The following PTPRB variants were observed in gnomAD, a reference collection of about 807,000 sequenced individuals.
PTPRB encodes protein tyrosine phosphatase receptor type B.
Under a neutral mutation model 238.1 loss-of-function variants are expected in PTPRB, and 97 were observed. The ratio of observed to expected loss-of-function variants is 0.41; its 90% CI spans 0.35 to 0.48. The LOEUF (loss-of-function observed/expected upper bound fraction) is 0.48. Among genes scored for constraint, PTPRB ranks in the 20% least tolerant of loss-of-function variants. The probability of loss-of-function intolerance (pLI) is 0.30; values close to 1 mark genes in which losing one functional copy is unlikely to be tolerated. For synonymous variants in PTPRB, 970 were observed against 995.4 expected, an observed-to-expected ratio of 0.97 and a Z score of 0.48; for missense variants, 2,292 against 2,681.9, an observed-to-expected ratio of 0.85 and a Z score of 3.21.
chr12:70,524,469 A>T lies in PTPRB; in HGVS notation c.6625+2T>A. 2 of 1,602,440 alleles carry T rather than the reference A, an allele frequency of 1.2e-6. No homozygotes were observed. The highest frequency in any genetic ancestry group is 1.7e-6 in the Non-Finnish European group (2 of 1,174,218). On this transcript the variant is annotated splice_donor_variant, in intron 33 of 33. Coordinates refer to ENST00000334414, the MANE Select transcript of PTPRB (RefSeq NM_001109754.4). LOFTEE classifies it high-confidence loss of function. ...GGGGAAGTAAGTGAAGTAAGTGCCC[A>T]CCTCTGTGATACTCTGGATTCACAT... is the stretch of plus-strand genomic sequence containing the variant.
At chr12:70,567,755 A>C (rs563631205) in intron 14 of PTPRB, among the ~76,000 whole-genome samples, 41 of 152,314 alleles carry the variant, frequency 2.7e-4, no homozygotes, top group African/African-American at 9.4e-4. Flanking sequence ...GTGGCTCTCC[A>C]TAATTCCAAA....
chr12:70,532,178 A>G lies in PTPRB; in HGVS notation c.6369-8T>C. 1 of 1,575,858 alleles carries G rather than the reference A, an allele frequency of 6.3e-7. No individual in the cohort carries two copies. Among genetic ancestry groups the G allele is most frequent in the Non-Finnish European group, 8.6e-7 (1 of 1,162,826 alleles). On this transcript the variant is annotated splice_polypyrimidine_tract_variant and splice_region_variant and intron_variant, in intron 31 of 33. Transcript: ENST00000334414. ...GTCCTACCCACACCAGCACTAGAAG[A>G]GATGGCAAAGGAAGATTGAGCCTTT...
At chr12:70,536,857 C>G (rs1203362535) in intron 28 of PTPRB, among the ~76,000 whole-genome samples, 2 of 152,204 alleles carry the variant, frequency 1.3e-5, no homozygotes, top group Non-Finnish European at 2.9e-5. Context: ...ATGGTGCCTG[C>G]TTGGCTGAGC....
chr12:70,605,073 T>A (rs1364928417), intron 4 of PTPRB, among the ~76,000 whole-genome samples: 1 of 152,226 alleles, frequency 6.6e-6, no homozygotes, highest in East Asian at 1.9e-4. Flanking sequence ...AAAGACAAGT[T>A]AGCCATATTA....
In PTPRB at chr12:70,555,308, G is replaced by A. The variant is rs945289424; in HGVS notation, c.4995C>T (p.Arg1665=). ...VEDSTITMID[R]PPPPPPHIRV... The stretch of plus-strand genomic sequence containing the variant: ...GAATGTGTGGGGGTGGAGGAGGGGG[G>A]CCTGGAAAAAGAGGTGGGGAAGGAA... The change falls in exon 20 of 34, where the codon CGC becomes CGT. Residue 1665 remains arginine (R), a splice_region_variant and synonymous_variant. Coordinates refer to ENST00000334414, the MANE Select transcript of PTPRB (RefSeq NM_001109754.4). The A allele has an allele frequency of 1.9e-6, 3 of 1,609,514 alleles. No homozygotes were observed. The highest frequency in any genetic ancestry group is 1.7e-6 in the Non-Finnish European group (2 of 1,178,450).
intron 8 of PTPRB, 51 bp from the exon 9 acceptor site, chr12:70,587,318 T>A: frequency 6.3e-7 from 1 of 1,578,158 alleles, no homozygotes. Context: ...GGCATATTCA[T>A]AGGGTATACT....
At chr12:70,627,508 G>GA (rs925182430) in intron 2 of PTPRB, among the ~76,000 whole-genome samples, 5 of 152,082 alleles carry the variant, frequency 3.3e-5, no homozygotes, top group African/African-American at 1.2e-4. Context: ...TAGGCTACAT[G>GA]AAAATCTATT....
In PTPRB at chr12:70,524,504, T is replaced by C; in HGVS notation, c.6592A>G (p.Ile2198Val). Reference sequence around the variant, plus strand: ...TACTCTGGATTCACATTTTCATAGATTGGAAACAAGGGGTTTTCTTGTTCA... The same window carrying C: ...TACTCTGGATTCACATTTTCATAGACTGGAAACAAGGGGTTTTCTTGTTCA... ...RSEQENPLFPIYENVNPEYHR... is the reference protein window; with the variant it reads ...RSEQENPLFPVYENVNPEYHR... Residue 2198 changes from isoleucine to valine, a missense_variant, in exon 33 of 34, where the codon ATC becomes GTC. Physicochemically the swap from Ile to Val is conservative, Grantham distance 29. Coordinates refer to ENST00000334414, the MANE Select transcript of PTPRB (RefSeq NM_001109754.4). The C allele has an allele frequency of 2.5e-6, 4 of 1,613,332 alleles. No homozygotes were observed. Among genetic ancestry groups the C allele is most frequent in the Non-Finnish European group, 3.4e-6 (4 of 1,179,620 alleles).
At chr12:70,535,552 T>G (rs1167696961) in intron 29 of PTPRB, among the ~76,000 whole-genome samples, 2 of 152,168 alleles carry the variant, frequency 1.3e-5, no homozygotes, top group African/African-American at 4.8e-5. Flanking sequence ...TCCTCAATCT[T>G]TTAATCCTCA....
At chr12:70,549,081 G>T (rs532457728) in intron 21 of PTPRB, among the ~76,000 whole-genome samples, 1 of 152,288 alleles carries the variant, frequency 6.6e-6, no homozygotes, top group African/African-American at 2.4e-5. Flanking sequence ...TGAAGGCAGT[G>T]GCTCCACCTT....
intron 32 of PTPRB, 40 bp from the exon 33 acceptor site, chr12:70,524,631 T>C (rs2136197413): frequency 6.4e-7 from 1 of 1,553,336 alleles, no homozygotes; most frequent in South Asian, 1.2e-5. Context: ...GGGCCTGTTC[T>C]CATGCATAAG....
chr12:70,547,078 T>G (rs550860003), intron 21 of PTPRB, among the ~76,000 whole-genome samples: 2 of 152,188 alleles, frequency 1.3e-5, no homozygotes, highest in East Asian at 3.9e-4. Flanking sequence ...GCATGTCCTG[T>G]GATAATGCTG....
chr12:70,596,049 C>T lies in PTPRB; in HGVS notation c.1258G>A (p.Val420Met). Residue 420 changes from valine (V) to methionine (M), a missense_variant and splice_region_variant, in exon 5 of 34, where the codon GTG becomes ATG. Val to Met is a conservative substitution (Grantham distance 21, BLOSUM62 1). This residue lies in a region of PTPRB where 1,205 missense variants were observed against 1,287.8 expected (regional missense o/e 0.94). Transcript: ENST00000334414. ...CAGCTATAAAATAAACAGGTCTTAC[C>T]TGTTGATCCATTGGTATAAACTGAA... ...SFSVYTNGST[V>M]PSPVKDIGIS... 6.3e-7 allele frequency: 1 copy of T among 1,593,560 alleles called. No homozygotes were observed. The highest frequency in any genetic ancestry group is 8.6e-7 in the Non-Finnish European group (1 of 1,167,012).
rs1469382899 is a variant in PTPRB at position 70,534,857 on chromosome 12, G to C, written c.6180C>G (p.Thr2060=). 1 of 1,613,892 alleles carries C rather than the reference G, an allele frequency of 6.2e-7. No homozygotes were observed. The highest frequency in any genetic ancestry group is 1.1e-5 in the South Asian group (1 of 91,080). ...MLSESVLPEW[T]IREFKICGEE... is the part of the protein sequence containing the mutation. The stretch of plus-strand genomic sequence containing the variant: ...CACCGCATATCTTAAACTCCCGGAT[G>C]GTCCACTCAGGCAGGACGGACTCTG... The change falls in exon 30 of 34, where the codon ACC becomes ACG. Residue 2060 remains threonine (T), a synonymous_variant. Coordinates refer to ENST00000334414, the MANE Select transcript of PTPRB (RefSeq NM_001109754.4).
chr12:70,626,337 A>ATCTC (rs1885188555), intron 2 of PTPRB, among the ~76,000 whole-genome samples: 1 of 146,200 alleles, frequency 6.8e-6, no homozygotes, highest in Non-Finnish European at 1.5e-5. Flanking sequence ...CTATCTATCT[A>ATCTC]TCTATCTATC....
intron 8 of PTPRB, among the ~76,000 whole-genome samples, chr12:70,588,987 A>G (rs529834900): frequency 2.6e-5 from 4 of 152,282 alleles, no homozygotes; most frequent in African/African-American, 9.6e-5. Flanking sequence ...ATAAATAAAT[A>G]AAAGTTCTCC....
At chr12:70,551,558 T>C (rs888225241) in intron 21 of PTPRB, among the ~76,000 whole-genome samples, 6 of 151,946 alleles carry the variant, frequency 3.9e-5, no homozygotes, top group African/African-American at 9.7e-5. Flanking sequence ...AGTTTTTTTT[T>C]CTACTGAGAC....
At position 70,552,433 on chromosome 12, in the gene PTPRB, G is replaced by A. The variant is rs150825055; in HGVS notation, c.5387+344C>T. Among the ~76,000 whole-genome samples, 660 of 148,958 alleles carry A rather than the reference G, an allele frequency of 4.4e-3. 4 individuals are homozygous for A. Among genetic ancestry groups the A allele is most frequent in the Non-Finnish European group, 6.9e-3 (465 of 67,704 alleles). Reference sequence around the variant, plus strand: ...AGGGAGGCAGAGGTTGCAGTGAGCCGAGATGGCACCACTGCACTCCAGTCT... The same window carrying A: ...AGGGAGGCAGAGGTTGCAGTGAGCCAAGATGGCACCACTGCACTCCAGTCT... On this transcript the variant is annotated intron_variant, in intron 21 of 33. Coordinates refer to ENST00000334414, the MANE Select transcript of PTPRB (RefSeq NM_001109754.4).
Position 70,538,150 on chromosome 12 carries a change from C to T in PTPRB, c.5946+5G>A. ...CTGAACACTATGGCCTAGTGGGTCA[C>T]TTACAGGGATGTAGCTGGCATTGAT... On this transcript the variant is annotated splice_donor_5th_base_variant and intron_variant, in intron 28 of 33. Coordinates refer to ENST00000334414, the MANE Select transcript of PTPRB (RefSeq NM_001109754.4). The T allele has an allele frequency of 1.9e-6, 3 of 1,611,904 alleles. No homozygotes were observed. The highest frequency in any genetic ancestry group is 1.3e-5 in the African/African-American group (1 of 75,004).
Sources: gnomAD v4.1 joint callset for allele counts (sites outside exome capture counted in the v4.1 genomes callset) on GRCh38, gnomAD v4.1.1 for gene constraint, gnomAD v4.1.1 regional missense constraint, MANE v1.5 for transcripts, NCBI Gene and HGNC (gene_info 2026-07-23, HGNC 2026-07-21) for gene names.